NR5A2: variants seen among roughly 807,000 people sequenced by gnomAD.
NR5A2 encodes the protein nuclear receptor subfamily 5 group A member 2, also known as CYP7A promoter-binding factor.
NR5A2 carries 26 observed loss-of-function variants against 62.7 expected under a neutral mutation model. The observed-to-expected ratio is 0.41, with a 90% CI of 0.30 to 0.58. The LOEUF is 0.58. Among genes scored for constraint, NR5A2 ranks in the 20% least tolerant of loss-of-function variants. The pLI, the probability that NR5A2 is intolerant of heterozygous loss-of-function variation, is 0.22. For synonymous variants in NR5A2, 246 were observed against 241.7 expected (o/e 1.02, Z -0.16); for missense variants, 541 against 669.1 (o/e 0.81, Z 2.11).
chr1:200,121,959 G>A (rs1038900003), intron 7 of NR5A2, among the ~76,000 whole-genome samples: 2 of 152,136 alleles, frequency 1.3e-5, no homozygotes, highest in Non-Finnish European at 2.9e-5. Flanking sequence ...CTGCACAACT[G>A]TTGCTAATAA....
intron 6 of NR5A2, among the ~76,000 whole-genome samples, chr1:200,113,296 C>T (rs1254247336): frequency 6.6e-6 from 1 of 152,150 alleles, no homozygotes; most frequent in Non-Finnish European, 1.5e-5. Context: ...TAAAGTGTGC[C>T]ACAGGTCTGT....
chr1:200,146,493 A>G (rs1395283404), intron 7 of NR5A2, among the ~76,000 whole-genome samples: 1 of 152,240 alleles, frequency 6.6e-6, no homozygotes, highest in Admixed American at 6.5e-5. Context: ...CATGGAAACC[A>G]CCTGGAATTC....
In NR5A2 at chr1:200,085,916, C is replaced by T. The variant is rs568461209; in HGVS notation, c.1111-25286C>T. ...GTGTTGATCTATGTGCATTTGATATCTCTATACTTATATAGGATGCTAGGA... is the reference window on the plus strand; with the variant it reads ...GTGTTGATCTATGTGCATTTGATATTTCTATACTTATATAGGATGCTAGGA... On this transcript the variant is annotated intron_variant, in intron 5 of 7. Coordinates refer to ENST00000367362, the MANE Select transcript of NR5A2 (RefSeq NM_205860.3). 8.5e-5 allele frequency among the ~76,000 whole-genome samples: 13 copies of T among 152,298 alleles called. No homozygotes were observed. The South Asian group carries it at 1.9e-3, about 22-fold the overall frequency.
At chr1:200,054,117 C>A (rs1046828207) in intron 5 of NR5A2, 1 of 152,114 alleles carries the variant, frequency 6.6e-6, no homozygotes, top group Admixed American at 6.5e-5. Context: ...ATTAGCATGA[C>A]CCCCTGCACA....
rs1667763882 is a variant in NR5A2 at position 200,147,550 on chromosome 1, T to A, written c.1379-26413T>A. 1.4e-6 allele frequency: 1 copy of A among 693,356 alleles called. No homozygotes were observed. Among genetic ancestry groups the A allele is most frequent in the Non-Finnish European group, 2.7e-6 (1 of 369,884 alleles). 43.0% of individuals were successfully genotyped at this position (693,356 alleles called of 1,614,324 possible). On this transcript the variant is annotated intron_variant, in intron 7 of 7. Transcript: ENST00000367362. This position sits in a 1 kb window ranked among gnomAD's most constrained non-coding sequence, Gnocchi z 4.9. ...CTGTTTCTGTGATTTCCTTGGTTTC[T>A]CCATTGGTGTGCTTAAAGCGATCTC...
chr1:200,124,095 C>T (rs1285802704), intron 7 of NR5A2, among the ~76,000 whole-genome samples: 4 of 152,044 alleles, frequency 2.6e-5, no homozygotes, highest in East Asian at 1.9e-4. Context: ...TGAGCCACCA[C>T]GCCTGGCCTA....
At chr1:200,069,487 C>G (rs766018532) in intron 5 of NR5A2, among the ~76,000 whole-genome samples, 7 of 152,132 alleles carry the variant, frequency 4.6e-5, no homozygotes, top group Non-Finnish European at 7.4e-5. Context: ...TCTCAAACCT[C>G]AAATGATCCA....
chr1:200,166,472 TG>T (rs1390048714), intron 7 of NR5A2, among the ~76,000 whole-genome samples: 1 of 152,204 alleles, frequency 6.6e-6, no homozygotes. Context: ...AAATGTCAAA[TG>T]TATATTATTT....
chr1:200,074,723 C>T (rs777158241), intron 5 of NR5A2, among the ~76,000 whole-genome samples: 76 of 80,158 alleles, frequency 9.5e-4, no homozygotes, highest in African/African-American at 3.0e-3. Context: ...GGCGACAGGG[C>T]GAGAGTCCAT....
rs966734814 is a variant in NR5A2, at chr1:200,039,558, G to A, written c.65-100G>A. The A allele has an allele frequency of 1.3e-6, 2 of 1,558,716 alleles. No homozygotes were observed. The highest frequency in any genetic ancestry group is 1.7e-6 in the Non-Finnish European group (2 of 1,144,008). ...TCCTGCCCGGCAGCCCCGAGGAGGC[G>A]GAGGCACGCTCCGGCGAGGCGAGAG... On this transcript the variant is annotated intron_variant, in intron 1 of 7. Transcript: ENST00000367362. This position sits in a 1 kb window ranked among gnomAD's most constrained non-coding sequence, Gnocchi z 5.1.
chr1:200,050,166 C>T (rs1412263636), intron 5 of NR5A2, among the ~76,000 whole-genome samples: 1 of 152,180 alleles, frequency 6.6e-6, no homozygotes, highest in African/African-American at 2.4e-5. Flanking sequence ...GGGTTTGTAA[C>T]CACTCTATGA....
At chr1:200,137,713 G>GT (rs1667287382) in intron 7 of NR5A2, among the ~76,000 whole-genome samples, 1 of 152,146 alleles carries the variant, frequency 6.6e-6, no homozygotes, top group Non-Finnish European at 1.5e-5. Context: ...CAAAATAAAA[G>GT]TGTCATATGA....
chr1:200,071,773 T>C (rs1228081971), intron 5 of NR5A2, among the ~76,000 whole-genome samples: 2 of 152,246 alleles, frequency 1.3e-5, no homozygotes, highest in Non-Finnish European at 2.9e-5. Flanking sequence ...CGATATTCAG[T>C]GGGACCACAG....
intron 5 of NR5A2, among the ~76,000 whole-genome samples, chr1:200,059,205 T>C (rs1663073955): frequency 6.6e-6 from 1 of 152,120 alleles, no homozygotes; most frequent in African/African-American, 2.4e-5. Context: ...CAGGGTCTTG[T>C]TGGTTGCAGA....
chr1:200,082,855 GTTTTTAACC>G (rs997314481), intron 5 of NR5A2, among the ~76,000 whole-genome samples: 18 of 152,016 alleles, frequency 1.2e-4, no homozygotes, highest in African/African-American at 1.7e-4. Flanking sequence ...ATTTATTAGT[GTTTTTAACC>G]TAAAAAGGCA....
intron 5 of NR5A2, among the ~76,000 whole-genome samples, chr1:200,056,185 TGCTTTCTTCTGA>T (rs1335272246): frequency 5.9e-5 from 9 of 152,258 alleles, no homozygotes; most frequent in African/African-American, 1.4e-4. Flanking sequence ...TCTTTCTTCT[TGCTTTCTTCTGA>T]GCTTTCTTCT....
chr1:200,118,093 C>T (rs1298972400), intron 6 of NR5A2, among the ~76,000 whole-genome samples: 6 of 142,208 alleles, frequency 4.2e-5, no homozygotes, highest in African/African-American at 1.3e-4. Context: ...CTCAGTTCAC[C>T]GCAACATCTG....
intron 1 of NR5A2, among the ~76,000 whole-genome samples, chr1:200,031,137 G>T (rs562011097): frequency 1.3e-5 from 2 of 152,188 alleles, no homozygotes; most frequent in East Asian, 1.9e-4. Context: ...TTCCATGCCC[G>T]AGTCCATCTC....
chr1:200,137,503 T>C (rs1667277363), intron 7 of NR5A2, among the ~76,000 whole-genome samples: 1 of 152,098 alleles, frequency 6.6e-6, no homozygotes, highest in South Asian at 2.1e-4. Context: ...ATCTGCTGTC[T>C]AAATTCCTAT....
Sources: allele counts gnomAD v4.1 joint callset (sites outside exome capture counted in the v4.1 genomes callset), GRCh38; gene constraint gnomAD v4.1.1; non-coding constraint Gnocchi (gnomAD v3.1); transcripts MANE v1.5; gene names NCBI Gene and HGNC (gene_info 2026-07-23, HGNC 2026-07-21).